RCBTB1: variants seen among roughly 807,000 people sequenced by gnomAD.
The protein encoded by RCBTB1 is RCC1 and BTB domain-containing protein 1.
In RCBTB1, 46 loss-of-function variants were observed where a neutral mutation model predicts 62.4. That is an observed-to-expected ratio of 0.74 (90% CI 0.58 to 0.94). RCBTB1 has a LOEUF of 0.94. RCBTB1 is among the 40% of genes least tolerant of loss of function. The probability of loss-of-function intolerance (pLI) is 0.00; values close to 1 mark genes in which losing one functional copy is unlikely to be tolerated. For synonymous variants in RCBTB1, 222 were observed against 245.8 expected, an observed-to-expected ratio of 0.90 and a Z score of 0.91; for missense variants, 565 against 654.9, an observed-to-expected ratio of 0.86 and a Z score of 1.50.
At position 49,555,631 on chromosome 13, in the gene RCBTB1, C is replaced by G; in HGVS notation, c.487G>C (p.Gly163Arg). ...GYNNCGQVGS[G>R]STANQPTPRK... ...GGAGTTGGTTGATTTGCTGTAGAAC[C>G]TGATCCCACTTGGCCACAGTTGTTA... The change falls in exon 6 of 13, where the codon GGT becomes CGT. Residue 163 changes from glycine to arginine, a missense_variant. Transcript: ENST00000378302. 1 of 1,611,956 alleles carries G rather than the reference C, an allele frequency of 6.2e-7. No individual in the cohort carries two copies. Among genetic ancestry groups the G allele is most frequent in the Non-Finnish European group, 8.5e-7 (1 of 1,178,920 alleles).
chr13:49,548,338 G>A (rs1460787894), intron 9 of RCBTB1, among the ~76,000 whole-genome samples: 12 of 149,726 alleles, frequency 8.0e-5, no homozygotes, highest in Non-Finnish European at 1.2e-4. Context: ...GCAGTGAGCC[G>A]AGATCGCGCC....
chr13:49,550,167 C>G (rs12875236), intron 8 of RCBTB1, among the ~76,000 whole-genome samples: 1 of 151,994 alleles, frequency 6.6e-6, no homozygotes. Context: ...TTTATAGAGA[C>G]AGAGTCTCGC....
chr13:49,571,545 T>A (rs1024504081), intron 2 of RCBTB1, among the ~76,000 whole-genome samples: 2 of 152,188 alleles, frequency 1.3e-5, no homozygotes, highest in Non-Finnish European at 2.9e-5. Context: ...GGCTGGAGAC[T>A]GCTAAGGCAC....
chr13:49,545,337 G>A (rs920001419), intron 9 of RCBTB1, among the ~76,000 whole-genome samples: 2 of 152,018 alleles, frequency 1.3e-5, no homozygotes, highest in African/African-American at 2.4e-5. Flanking sequence ...AATGCTAAGC[G>A]GTCATGTTCT....
intron 2 of RCBTB1, among the ~76,000 whole-genome samples, chr13:49,579,624 G>GAAA (rs66531473): frequency 7.2e-6 from 1 of 139,022 alleles, no homozygotes; most frequent in African/African-American, 2.7e-5. Flanking sequence ...ACTTGTCTCA[G>GAAA]AAAAAAAAAA....
At chr13:49,535,938 G>A (rs1487641912) in intron 12 of RCBTB1, among the ~76,000 whole-genome samples, 7 of 151,294 alleles carry the variant, frequency 4.6e-5, no homozygotes, top group Non-Finnish European at 1.0e-4. Context: ...CAGGAGAATC[G>A]CTTGAACCCA....
intron 12 of RCBTB1, among the ~76,000 whole-genome samples, chr13:49,537,178 A>C (rs1960006160): frequency 6.6e-6 from 1 of 152,190 alleles, no homozygotes; most frequent in Admixed American, 6.5e-5. Context: ...CAGATGACAC[A>C]AGATCACGAA....
chr13:49,541,563 T>G, intron 11 of RCBTB1, 113 bp downstream of exon 11: 2 of 980,502 alleles, frequency 2.0e-6, no homozygotes, highest in Non-Finnish European at 2.9e-6. Context: ...AAATCTTTTT[T>G]AAGCACCAAA....
intron 9 of RCBTB1, among the ~76,000 whole-genome samples, 170 bp downstream of exon 9, chr13:49,549,288 T>G (rs1961112606): frequency 6.6e-6 from 1 of 151,916 alleles, no homozygotes; most frequent in South Asian, 2.1e-4. Flanking sequence ...ATGGTAATAT[T>G]TTATAATATA....
intron 1 of RCBTB1, among the ~76,000 whole-genome samples, chr13:49,584,317 G>C (rs1485884542): frequency 2.0e-5 from 3 of 152,056 alleles, no homozygotes; most frequent in African/African-American, 7.3e-5. Context: ...CAGACTAGCG[G>C]GTAGAAGAAA....
chr13:49,540,508 G>C (rs1393824713), intron 12 of RCBTB1, among the ~76,000 whole-genome samples: 2 of 152,320 alleles, frequency 1.3e-5, no homozygotes, highest in East Asian at 3.9e-4. Context: ...ACAGGGCAGA[G>C]GTGGAAAGAC....
chr13:49,555,706 T>C (rs1278489970), intron 5 of RCBTB1, 33 bp from the exon 6 acceptor site: 9 of 1,485,588 alleles, frequency 6.1e-6, no homozygotes, highest in East Asian at 2.3e-5. Flanking sequence ...AAGGAAAGAA[T>C]AGTCAGGGTG....
At chr13:49,548,719 T>C (rs1961041126) in intron 9 of RCBTB1, among the ~76,000 whole-genome samples, 1 of 151,832 alleles carries the variant, frequency 6.6e-6, no homozygotes, top group Non-Finnish European at 1.5e-5. Context: ...ATTGTATGCT[T>C]CCGCTTATAT....
intron 2 of RCBTB1, among the ~76,000 whole-genome samples, chr13:49,574,616 A>G (rs1156853268): frequency 6.6e-6 from 1 of 152,184 alleles, no homozygotes; most frequent in African/African-American, 2.4e-5. Context: ...TTATTAATAT[A>G]AAATTAAATG....
Position 49,541,978 on chromosome 13 carries a change from G to C in RCBTB1, c.1173-151C>G, listed in dbSNP as rs911135637. 41 of 777,238 alleles carry C rather than the reference G, an allele frequency of 5.3e-5. No homozygotes were observed. In the East Asian group the frequency reaches 1.2e-3, roughly 22 times the overall value. The allele number at this position is 777,238 out of a possible 1,614,324, so 48.1% of individuals were successfully genotyped here. ...TGCCTGTAATCCCAGCACTTTGGGA[G>C]GCCAAGCGGGTAGATCACCTGAGAT... On this transcript the variant is annotated intron_variant, in intron 10 of 12. Transcript: ENST00000378302.
intron 12 of RCBTB1, among the ~76,000 whole-genome samples, chr13:49,539,079 A>AACTCCACCATGTTGGCCG (rs1960155548): frequency 6.6e-6 from 1 of 151,346 alleles, no homozygotes; most frequent in African/African-American, 2.4e-5. Flanking sequence ...CATGTTGGCC[A>AACTCCACCATGTTGGCCG]GGCTGGTCTC....
chr13:49,549,893 G>A lies in RCBTB1; in HGVS notation c.855-245C>T, dbSNP rs185257668. 4.5e-5 allele frequency: 44 copies of A among 985,366 alleles called. No individual in the cohort carries two copies. In the East Asian group the frequency reaches 2.2e-3, roughly 48 times the overall value. The allele number at this position is 985,366 out of a possible 1,614,324, so 61.0% of individuals were successfully genotyped here. On this transcript the variant is annotated intron_variant, in intron 8 of 12. Transcript: ENST00000378302. ...GTTAGGATAGATCACACAGACCGCC[G>A]AGGAAAACTTGGAAAACAGACCAGC...
In RCBTB1 at chr13:49,555,580, T is replaced by A; in HGVS notation, c.538A>T (p.Ile180Phe). Residue 180 changes from isoleucine to phenylalanine, a missense_variant, in exon 6 of 13, where the codon ATT becomes TTT. By Grantham distance (21) the Ile-to-Phe change is conservative (BLOSUM62 0). Transcript: ENST00000378302. ...TPRKVTNCLHIKRVVGIACGQ... is the reference protein window; with the variant it reads ...TPRKVTNCLHFKRVVGIACGQ... The stretch of plus-strand genomic sequence containing the variant: ...CAGGCAATGCCAACTACCCTCTTAA[T>A]ATGTAAACAGTTTGTAACTTTTCGA... The A allele has an allele frequency of 1.2e-6, 2 of 1,613,826 alleles. No homozygotes were observed. Among genetic ancestry groups the A allele is most frequent in the Non-Finnish European group, 1.7e-6 (2 of 1,179,760 alleles).
chr13:49,555,683 A>G lies in RCBTB1; in HGVS notation c.445-10T>C. On this transcript the variant is annotated splice_polypyrimidine_tract_variant and intron_variant, in intron 5 of 12. Transcript: ENST00000378302. The stretch of plus-strand genomic sequence containing the variant: ...AACCCCAAGCAAACACCTACAAGAG[A>G]AAGAAAAAGGAAAAGGAAAGAATAG... 6.5e-7 allele frequency: 1 copy of G among 1,549,058 alleles called. No individual in the cohort carries two copies. Among genetic ancestry groups the G allele is most frequent in the Non-Finnish European group, 8.7e-7 (1 of 1,149,748 alleles).
Sources: gnomAD v4.1 joint callset for allele counts (sites outside exome capture counted in the v4.1 genomes callset) on GRCh38, gnomAD v4.1.1 for gene constraint, MANE v1.5 for transcripts, NCBI Gene and HGNC (gene_info 2026-07-23, HGNC 2026-07-21) for gene names.